EXOC4: variants seen among roughly 807,000 people sequenced by gnomAD.
The protein encoded by EXOC4 is exocyst complex component 4, also known as SEC8-like 1.
In EXOC4, 71 loss-of-function variants were observed where a neutral mutation model predicts 107.2. That is an observed-to-expected ratio of 0.66 (90% CI 0.55 to 0.81). The LOEUF is 0.81. EXOC4 is among the 30% of genes least tolerant of loss of function. EXOC4 has a pLI of 0.00. For missense variants in EXOC4, 1,108 were observed against 1,189.6 expected, an observed-to-expected ratio of 0.93 and a Z score of 1.01; for synonymous variants, 456 against 441.2, an observed-to-expected ratio of 1.03 and a Z score of -0.42.
intron 12 of EXOC4, among the ~76,000 whole-genome samples, chr7:133,910,579 A>G (rs1585241996): frequency 6.6e-6 from 1 of 152,234 alleles, no homozygotes; most frequent in African/African-American, 2.4e-5. Flanking sequence ...CTCCATCTTA[A>G]CTGACTTTTT....
intron 3 of EXOC4, among the ~76,000 whole-genome samples, chr7:133,291,747 T>C (rs1794410994): frequency 6.6e-6 from 1 of 152,124 alleles, no homozygotes; most frequent in Non-Finnish European, 1.5e-5. Context: ...GAATCTCCTA[T>C]GTTTTCTTCT....
At chr7:133,556,569 C>A (rs6467496) in intron 9 of EXOC4, among the ~76,000 whole-genome samples, 152,302 of 152,302 alleles carry the variant, frequency 1, 76,151 homozygotes, top group Non-Finnish European at 1. Context: ...TGGAAGAAAC[C>A]AAAATGGGGT....
intron 10 of EXOC4, among the ~76,000 whole-genome samples, chr7:133,701,997 C>CTTTTTTT (rs71162021): frequency 1.8e-3 from 121 of 66,342 alleles, no homozygotes; most frequent in East Asian, 2.9e-3. Context: ...TTCTTTCTTT[C>CTTTTTTT]TTTTTTTTTT....
downstream of EXOC4, among the ~76,000 whole-genome samples, chr7:134,067,676 G>C (rs929026324): frequency 0.22 from 325 of 1,484 alleles, 3 homozygotes; most frequent in African/African-American, 0.35. Flanking sequence ...CACACACACA[G>C]GCAATTGTGT....
intron 14 of EXOC4, among the ~76,000 whole-genome samples, chr7:133,993,847 A>T (rs1794316058): frequency 6.6e-6 from 1 of 152,196 alleles, no homozygotes; most frequent in African/African-American, 2.4e-5. Context: ...AAAACAAAAG[A>T]CTTCCCAAAA....
At chr7:133,390,982 C>G (rs1796839488) in intron 7 of EXOC4, among the ~76,000 whole-genome samples, 1 of 152,144 alleles carries the variant, frequency 6.6e-6, no homozygotes. Flanking sequence ...TGTTCAAAAT[C>G]ATTTTAATTT....
chr7:133,640,422 TATA>T (rs1802826254), intron 10 of EXOC4, among the ~76,000 whole-genome samples: 1 of 152,200 alleles, frequency 6.6e-6, no homozygotes, highest in South Asian at 2.1e-4. Context: ...AATTATAAAA[TATA>T]ATATTTAATC....
At chr7:134,098,400 T>C in the EXOC4 span, among the ~76,000 whole-genome samples, 1 of 152,330 alleles carries the variant, frequency 6.6e-6, no homozygotes, top group Admixed American at 6.5e-5. Context: ...TCAGTCATGA[T>C]AGCTTTATTA....
intron 14 of EXOC4, among the ~76,000 whole-genome samples, chr7:133,986,285 G>A (rs1426702280): frequency 1.3e-5 from 2 of 152,204 alleles, no homozygotes; most frequent in South Asian, 2.1e-4. Flanking sequence ...GAAATAGGAA[G>A]CAAAATGAAG....
chr7:133,466,638 CTCTT>C (rs1171834244), intron 7 of EXOC4, among the ~76,000 whole-genome samples: 1 of 152,138 alleles, frequency 6.6e-6, no homozygotes, highest in African/African-American at 2.4e-5. Context: ...CCTTTGCAAA[CTCTT>C]TCAGAAAATA....
chr7:133,613,642 A>G (rs1802123317), intron 9 of EXOC4, among the ~76,000 whole-genome samples: 1 of 152,100 alleles, frequency 6.6e-6, no homozygotes, highest in Admixed American at 6.6e-5. Flanking sequence ...GATAGGTACT[A>G]TACATTGAGG....
chr7:134,048,441 A>G (rs1401006338), intron 17 of EXOC4, among the ~76,000 whole-genome samples: 2 of 152,198 alleles, frequency 1.3e-5, no homozygotes, highest in Non-Finnish European at 2.9e-5. Context: ...ATGAGCAAGG[A>G]CACCTTGGAG....
intron 7 of EXOC4, among the ~76,000 whole-genome samples, chr7:133,425,070 C>T (rs1277625803): frequency 6.6e-6 from 1 of 150,516 alleles, no homozygotes; most frequent in Non-Finnish European, 1.5e-5. Flanking sequence ...AAGGCATGGA[C>T]TCCATGAACT....
intron 10 of EXOC4, among the ~76,000 whole-genome samples, chr7:133,633,905 A>G (rs1003582150): frequency 6.6e-6 from 1 of 151,812 alleles, no homozygotes; most frequent in African/African-American, 2.4e-5. Context: ...CTTTTTCCCT[A>G]TGTCTGGTGT....
chr7:133,430,663 G>A lies in EXOC4; in HGVS notation c.1183-44665G>A, dbSNP rs535566619. Reference sequence around the variant, plus strand: ...TTGTTGGATCATATAGTAACTTTGTGTTTAACTTTTTGAGGAACTGCCAAA... The same window carrying A: ...TTGTTGGATCATATAGTAACTTTGTATTTAACTTTTTGAGGAACTGCCAAA... On this transcript the variant is annotated intron_variant, in intron 7 of 17. Coordinates refer to ENST00000253861, the MANE Select transcript of EXOC4 (RefSeq NM_021807.4). Among the ~76,000 whole-genome samples the A allele has an allele frequency of 1.2e-3, 176 of 152,256 alleles. 1 individual carries two copies. Among genetic ancestry groups the A allele is most frequent in the Middle Eastern group, 0.01 (3 of 294 alleles).
chr7:133,695,204 A>G lies in EXOC4; in HGVS notation c.1514+65063A>G, dbSNP rs1388974356. Among the ~76,000 whole-genome samples the G allele has an allele frequency of 3.3e-5, 5 of 151,666 alleles. No homozygotes were observed. In the South Asian group the frequency reaches 6.3e-4, roughly 19 times the overall value. On this transcript the variant is annotated intron_variant, in intron 10 of 17. Coordinates refer to ENST00000253861, the MANE Select transcript of EXOC4 (RefSeq NM_021807.4). ...CATTTTTTTTTTTTTACCTTACCAC[A>G]TATGTGTGAGAACACACAACATGTC... is the stretch of plus-strand genomic sequence containing the variant.
chr7:133,563,041 A>G (rs1261068483), intron 9 of EXOC4, among the ~76,000 whole-genome samples: 3 of 152,144 alleles, frequency 2.0e-5, no homozygotes, highest in Non-Finnish European at 4.4e-5. Flanking sequence ...TAAAATGTAT[A>G]TTTCAGGCCA....
At chr7:133,398,073 C>T (rs933580369) in intron 7 of EXOC4, among the ~76,000 whole-genome samples, 2 of 152,026 alleles carry the variant, frequency 1.3e-5, no homozygotes, top group African/African-American at 4.8e-5. Context: ...GTCTGCTTTG[C>T]TTTGGTATGA....
chr7:133,808,914 A>G (rs1016599872), intron 10 of EXOC4, among the ~76,000 whole-genome samples: 3 of 152,142 alleles, frequency 2.0e-5, no homozygotes, highest in Admixed American at 6.6e-5. Flanking sequence ...ATCTTTGTAC[A>G]TGGGCCCATA....
Sources: allele counts gnomAD v4.1 joint callset (sites outside exome capture counted in the v4.1 genomes callset), GRCh38; gene constraint gnomAD v4.1.1; transcripts MANE v1.5; gene names NCBI Gene and HGNC (gene_info 2026-07-23, HGNC 2026-07-21).